JAK3: variants seen among roughly 807,000 people sequenced by gnomAD.
JAK3 encodes tyrosine-protein kinase JAK3.
JAK3 carries 88 observed loss-of-function variants against 120.8 expected under a neutral mutation model. The observed-to-expected ratio is 0.73, with a 90% CI of 0.61 to 0.87. The LOEUF is 0.87. Ranked by LOEUF, JAK3 falls within the 40% of genes least tolerant of loss-of-function variation. JAK3 has a pLI of 0.00. For missense variants in JAK3, 1,254 were observed against 1,501.4 expected, an observed-to-expected ratio of 0.84 and a Z score of 2.72; for synonymous variants, 592 against 628.6, an observed-to-expected ratio of 0.94 and a Z score of 0.87.
rs2094256186 is a variant in JAK3, at chr19:17,847,928, G to A, written c.-14+18C>T. ...CCCCAGTGTCTGGGCCGAGCCCTGC[G>A]GCATCGCCAGCTCTTACCTAGCGGG... On this transcript the variant is annotated intron_variant, in intron 1 of 23. Coordinates refer to ENST00000458235, the MANE Select transcript of JAK3 (RefSeq NM_000215.4). 9.9e-7 allele frequency: 1 copy of A among 1,007,872 alleles called. No homozygotes were observed. Among genetic ancestry groups the A allele is most frequent in the East Asian group, 6.3e-5 (1 of 15,836 alleles). 62.4% of individuals were successfully genotyped at this position (1,007,872 alleles called of 1,614,324 possible).
intron 13 of JAK3, chr19:17,836,706 C>A: frequency 2.3e-6 from 1 of 428,484 alleles, no homozygotes; most frequent in Non-Finnish European, 4.4e-6. Flanking sequence ...CATTGCCCAA[C>A]CCCCAGGCTG....
rs2094202909 is a variant in JAK3, at chr19:17,825,815, GGTGTGAACCC to G, written c.*918_*927del. 1 of 151,542 alleles carries G rather than the reference GGTGTGAACCC, an allele frequency of 6.6e-6. No individual in the cohort carries two copies. Among genetic ancestry groups the G allele is most frequent in the African/African-American group, 2.5e-5 (1 of 40,402 alleles). The allele number at this position is 151,542 out of a possible 1,614,324, so 9.4% of individuals were successfully genotyped here. On this transcript the variant is annotated 3_prime_UTR_variant, in exon 24 of 24. Coordinates refer to ENST00000458235, the MANE Select transcript of JAK3 (RefSeq NM_000215.4). ...ACTTGGGAGGCTGAGGCGAGAGAAT[GGTGTGAACCC>G]AGGAGGCGGAGCTTGCAGTGAGCCT...
chr19:17,841,368 G>A lies in JAK3; in HGVS notation c.1142+21C>T, dbSNP rs1397289618. On this transcript the variant is annotated intron_variant, in intron 8 of 23. Transcript: ENST00000458235. This position sits in a 1 kb window ranked among gnomAD's most constrained non-coding sequence, Gnocchi z 4.1. Reference sequence around the variant, plus strand: ...GGCCCTGAGTGGCCACAGAGGCCGGGAATGGGGGACAGGTCCTTACGTGAT... The same window carrying A: ...GGCCCTGAGTGGCCACAGAGGCCGGAAATGGGGGACAGGTCCTTACGTGAT... 1.3e-6 allele frequency: 2 copies of A among 1,542,152 alleles called. No individual in the cohort carries two copies. Among genetic ancestry groups the A allele is most frequent in the Admixed American group, 3.9e-5 (2 of 51,118 alleles).
intron 8 of JAK3, among the ~76,000 whole-genome samples, chr19:17,840,883 T>C (rs2094236772): frequency 6.6e-6 from 1 of 152,074 alleles, no homozygotes; most frequent in Non-Finnish European, 1.5e-5. Flanking sequence ...TGGAGTGCAA[T>C]CTCAGCTCAC....
rs2094238742 is a variant in JAK3 at position 17,841,523 on chromosome 19, G to A, written c.1008C>T (p.Pro336=). The A allele has an allele frequency of 1.3e-6, 2 of 1,584,352 alleles. No homozygotes were observed. The highest frequency in any genetic ancestry group is 8.6e-7 in the Non-Finnish European group (1 of 1,165,368). ...CGAGCGCCACGAACGACAGAGCCTC[G>A]GGCAGCCCTGGGAACTCGGCCTCCT... ...QILEAEFPGL[P]EALSFVALVD... The change falls in exon 8 of 24, where the codon CCC becomes CCT. Residue 336 remains proline (P), a synonymous_variant. Coordinates refer to ENST00000458235, the MANE Select transcript of JAK3 (RefSeq NM_000215.4). The surrounding 1 kb of genome is among the most constrained non-coding windows in gnomAD (Gnocchi z 4.1).
rs2147686060 is a variant in JAK3 at position 17,837,138 on chromosome 19, C to T, written c.1777G>A (p.Ala593Thr). The T allele has an allele frequency of 1.3e-6, 2 of 1,553,306 alleles. No individual in the cohort carries two copies. The highest frequency in any genetic ancestry group is 2.7e-5 in the African/African-American group (2 of 73,418). ...HLVLLHGVCM[A>T]GDSTMVQEFV... ...GGTGGGGGGCTCTCACTGTCTCCAGCCATGCACACGCCGTGGAGCAGCACG... is the reference window on the plus strand; with the variant it reads ...GGTGGGGGGCTCTCACTGTCTCCAGTCATGCACACGCCGTGGAGCAGCACG... Residue 593 changes from alanine (A) to threonine (T), a missense_variant, in exon 13 of 24, where the codon GCT (alanine) becomes ACT (threonine). Physicochemically the swap from Ala to Thr is moderately conservative, Grantham distance 58 (BLOSUM62 0). Around this residue, in one of 3 missense-constraint regions of JAK3, gnomAD observed 630 missense variants for 819.8 expected, o/e 0.77. Coordinates refer to ENST00000458235, the MANE Select transcript of JAK3 (RefSeq NM_000215.4).
At chr19:17,839,180 A>G (rs779391297) in intron 10 of JAK3, 1 of 534,052 alleles carries the variant, frequency 1.9e-6, no homozygotes, top group South Asian at 1.6e-5. Flanking sequence ...AAGAACTCAC[A>G]TCTCAGAATT....
At chr19:17,837,733 A>G (rs2094227773) in intron 12 of JAK3, among the ~76,000 whole-genome samples, 199 bp downstream of exon 12, 1 of 150,098 alleles carries the variant, frequency 6.7e-6, no homozygotes, top group Non-Finnish European at 1.5e-5. Context: ...TTTTGTCAAG[A>G]CGAGGTCTCG....
Position 17,843,557 on chromosome 19 carries a change from GTGGGGGCGAGGGACAGATTC to G in JAK3, c.309-86_309-67del. The G allele has an allele frequency of 8.0e-7, 1 of 1,251,032 alleles. No individual in the cohort carries two copies. The highest frequency in any genetic ancestry group is 2.4e-5 in the East Asian group (1 of 40,930). The allele number at this position is 1,251,032 out of a possible 1,614,324, so 77.5% of individuals were successfully genotyped here. On this transcript the variant is annotated intron_variant, in intron 3 of 23. Coordinates refer to ENST00000458235, the MANE Select transcript of JAK3 (RefSeq NM_000215.4). The surrounding 1 kb of genome is among the most constrained non-coding windows in gnomAD (Gnocchi z 5.4). ...CAGCCTCAGTAGGAGTGACATTATG[GTGGGGGCGAGGGACAGATTC>G]TGCGGAGGCCTCACAGAGCCCAGCT...
Position 17,835,224 on chromosome 19 carries a change from G to C in JAK3, c.1915-9C>G. The stretch of plus-strand genomic sequence containing the variant: ...GGCAGGCCTTTGTCCTCCTAAGGGG[G>C]CCAGACACAGGAAAATGCCCGGGAG... On this transcript the variant is annotated splice_polypyrimidine_tract_variant and intron_variant, in intron 14 of 23. Transcript: ENST00000458235. The C allele has an allele frequency of 6.2e-7, 1 of 1,613,106 alleles. No homozygotes were observed. Among genetic ancestry groups the C allele is most frequent in the Non-Finnish European group, 8.5e-7 (1 of 1,179,824 alleles).
At chr19:17,827,717 TAAAAAAAAAAAAAAAAAAAAAAAAAA>T (rs760856974) in intron 23 of JAK3, among the ~76,000 whole-genome samples, 13 of 77,680 alleles carry the variant, frequency 1.7e-4, no homozygotes, top group African/African-American at 3.6e-4. Context: ...CCATCTTAAC[TAAAAAAAAAAAAAAAAAAAAAAAAAA>T]AAAAAAAAAA....
intron 1 of JAK3, among the ~76,000 whole-genome samples, chr19:17,846,922 G>A (rs971933334): frequency 6.6e-6 from 1 of 151,700 alleles, no homozygotes; most frequent in Non-Finnish European, 1.5e-5. Context: ...GGGGAGGACG[G>A]ATTCTTGTTC....
chr19:17,827,305 T>TC (rs2094205660), intron 23 of JAK3, among the ~76,000 whole-genome samples: 2 of 151,874 alleles, frequency 1.3e-5, no homozygotes, highest in Admixed American at 6.6e-5. Flanking sequence ...TTAAATTCCA[T>TC]CCCATCTCTG....
intron 1 of JAK3, among the ~76,000 whole-genome samples, chr19:17,847,226 G>A (rs2094254149): frequency 1.3e-5 from 2 of 152,098 alleles, no homozygotes; most frequent in African/African-American, 4.8e-5. Context: ...AGGCTTCAGT[G>A]GCAGTGGCGC....
At chr19:17,833,004 A>T (rs2094217269) in intron 17 of JAK3, 75 bp from the exon 18 acceptor site, 7 of 1,555,590 alleles carry the variant, frequency 4.5e-6, no homozygotes, top group Non-Finnish European at 5.2e-6. Context: ...CTTGCTGTGC[A>T]ACCTCCATCT....
In JAK3 at chr19:17,841,707, G is replaced by T. The variant is rs1312363172; in HGVS notation, c.917C>A (p.Ala306Asp). ...CTCTCCGGCCGGGCCAACGCGCGGGGCCTGCTTGATGCTAATGTCTACGAT... is the reference window on the plus strand; with the variant it reads ...CTCTCCGGCCGGGCCAACGCGCGGGTCCTGCTTGATGCTAATGTCTACGAT... ...PEIVDISIKQ[A>D]PRVGPAGEHR... is the part of the protein sequence containing the mutation. Residue 306 changes from alanine to aspartate, a missense_variant, in exon 7 of 24, where the codon GCC becomes GAC. Ala to Asp is a moderately radical substitution (Grantham distance 126). Around this residue, in one of 3 missense-constraint regions of JAK3, gnomAD observed 486 missense variants for 503.0 expected, o/e 0.97. Transcript: ENST00000458235. This position sits in a 1 kb window ranked among gnomAD's most constrained non-coding sequence, Gnocchi z 4.1. 6.2e-7 allele frequency: 1 copy of T among 1,613,322 alleles called. No homozygotes were observed. The highest frequency in any genetic ancestry group is 8.5e-7 in the Non-Finnish European group (1 of 1,179,998).
rs199649035 is a variant in JAK3 at position 17,838,014 on chromosome 19, C to T, written c.1619G>A (p.Arg540His). The change falls in exon 12 of 24, where the codon CGC (arginine) becomes CAC (histidine). Residue 540 changes from arginine to histidine, a missense_variant. Coordinates refer to ENST00000458235, the MANE Select transcript of JAK3 (RefSeq NM_000215.4). ...GGCCTCCCCATCCACCACCTCATGG[C>T]GACAGCCCCGGTAAATCTTGGTGAA... ...GSFTKIYRGC[R>H]HEVVDGEARK... 17 of 1,614,088 alleles carry T rather than the reference C, an allele frequency of 1.1e-5. No individual in the cohort carries two copies. Among genetic ancestry groups the T allele is most frequent in the Admixed American group, 6.7e-5 (4 of 59,992 alleles).
chr19:17,832,606 G>C lies in JAK3; in HGVS notation c.2593C>G (p.Gln865Glu), dbSNP rs749480147. ...KQLQHSGPDQ[Q>E]RDFQREIQIL... The stretch of plus-strand genomic sequence containing the variant: ...TGAATCTCCCGCTGAAAGTCCCTCT[G>C]CTGGTCTGGCCCGCTGTGCTGCAGC... The change falls in exon 19 of 24, where the codon CAG becomes GAG. Residue 865 changes from glutamine to glutamate, a missense_variant. By Grantham distance (29) the Gln-to-Glu change is conservative. This residue lies in a region of JAK3 where 630 missense variants were observed against 819.8 expected (regional missense o/e 0.77). Transcript: ENST00000458235. The surrounding 1 kb of genome is among the most constrained non-coding windows in gnomAD (Gnocchi z 4.7). 17 of 1,614,120 alleles carry C rather than the reference G, an allele frequency of 1.1e-5. No homozygotes were observed. In the Admixed American group the frequency reaches 1.5e-4, roughly 14 times the overall value.
In JAK3 at chr19:17,838,314, G is replaced by A. The variant is rs1437835054; in HGVS notation, c.1518C>T (p.Tyr506=). 3.7e-6 allele frequency: 6 copies of A among 1,614,048 alleles called. No homozygotes were observed. Among genetic ancestry groups the A allele is most frequent in the Non-Finnish European group, 4.2e-6 (5 of 1,180,042 alleles). ...TGTGAAATGTCATCTGACTCAGCTGGTATTGGGATTGGGGCTGAACCAAGG... is the reference window on the plus strand; with the variant it reads ...TGTGAAATGTCATCTGACTCAGCTGATATTGGGATTGGGGCTGAACCAAGG... ...TSSLVQPQSQ[Y]QLSQMTFHKI... Residue 506 remains tyrosine (Y), a synonymous_variant, in exon 11 of 24, where the codon TAC becomes TAT. Coordinates refer to ENST00000458235, the MANE Select transcript of JAK3 (RefSeq NM_000215.4).
Sources: gnomAD v4.1 joint callset for allele counts (sites outside exome capture counted in the v4.1 genomes callset) on GRCh38, gnomAD v4.1.1 for gene constraint, gnomAD v4.1.1 regional missense constraint, Gnocchi (gnomAD v3.1) non-coding constraint, MANE v1.5 for transcripts, NCBI Gene and HGNC (gene_info 2026-07-23, HGNC 2026-07-21) for gene names.